The following FAM193A variants were observed in gnomAD, a reference collection of about 807,000 sequenced individuals.
FAM193A encodes the protein protein FAM193A.
In FAM193A, 22 loss-of-function variants were observed where a neutral mutation model predicts 126.5. The observed-to-expected ratio is 0.17, with a 90% CI of 0.12 to 0.25. The LOEUF is 0.25. Among genes scored for constraint, FAM193A ranks in the 10% least tolerant of loss-of-function variants. The pLI, the probability that FAM193A is intolerant of heterozygous loss-of-function variation, is 1.00. For missense variants in FAM193A, 1,675 were observed against 1,672.8 expected (o/e 1.00, Z -0.02); for synonymous variants, 761 against 646.8 (o/e 1.18, Z -2.68).
rs371156366 is a variant in FAM193A, at chr4:2,571,369, G to A, written c.256-24715G>A. On this transcript the variant is annotated intron_variant, in intron 1 of 20. Transcript: ENST00000637812. ...TGTGGCACCACCTTGCCAGCAGCTC[G>A]GAGACTGGTACTTGTTGGCACAGTG... 2.6e-5 allele frequency among the ~76,000 whole-genome samples: 4 copies of A among 152,110 alleles called. No individual in the cohort carries two copies. The East Asian group carries it at 7.7e-4, about 29-fold the overall frequency.
chr4:2,700,856 C>T (rs1457644292), intron 19 of FAM193A, among the ~76,000 whole-genome samples: 2 of 151,928 alleles, frequency 1.3e-5, no homozygotes, highest in African/African-American at 2.4e-5. Context: ...CCTAGCTACT[C>T]GGGGAGGCTG....
At chr4:2,710,848 T>G (rs972123008) in intron 19 of FAM193A, among the ~76,000 whole-genome samples, 4 of 115,044 alleles carry the variant, frequency 3.5e-5, no homozygotes, top group African/African-American at 1.3e-4. Context: ...CTTTCTGTGC[T>G]TTCTTTTTTT....
intron 19 of FAM193A, among the ~76,000 whole-genome samples, chr4:2,711,485 A>T (rs1718968906): frequency 6.6e-6 from 1 of 151,160 alleles, no homozygotes; most frequent in Non-Finnish European, 1.5e-5. Context: ...GATTACAGGC[A>T]TGCACCACCA....
At chr4:2,726,304 G>T (rs1012406448) in intron 20 of FAM193A, among the ~76,000 whole-genome samples, 2 of 152,082 alleles carry the variant, frequency 1.3e-5, no homozygotes, top group African/African-American at 4.8e-5. Context: ...CCTTCCAAAC[G>T]TTGGGATTAG....
chr4:2,568,105 C>T (rs1739075950), intron 1 of FAM193A, among the ~76,000 whole-genome samples: 1 of 152,192 alleles, frequency 6.6e-6, no homozygotes, highest in Non-Finnish European at 1.5e-5. Context: ...ACTTACCTTC[C>T]AACCACAGCA....
At chr4:2,664,215 A>G (rs2109124595) in intron 12 of FAM193A, among the ~76,000 whole-genome samples, 1 of 152,264 alleles carries the variant, frequency 6.6e-6, no homozygotes, top group South Asian at 2.1e-4. Context: ...CTTTTAGAAG[A>G]TTTATAATTT....
At chr4:2,669,004 G>A (rs955059087) in intron 12 of FAM193A, among the ~76,000 whole-genome samples, 1 of 151,866 alleles carries the variant, frequency 6.6e-6, no homozygotes, top group African/African-American at 2.4e-5. Flanking sequence ...CATGGCACCC[G>A]GCTAATTTTT....
intron 13 of FAM193A, among the ~76,000 whole-genome samples, chr4:2,673,803 A>G (rs955288705): frequency 1.4e-4 from 21 of 152,218 alleles, no homozygotes; most frequent in Non-Finnish European, 2.9e-4. Context: ...AAAATAAGTA[A>G]GATAGTAAAA....
chr4:2,637,221 G>A (rs1034599175), intron 5 of FAM193A, among the ~76,000 whole-genome samples: 11 of 152,278 alleles, frequency 7.2e-5, no homozygotes, highest in African/African-American at 1.7e-4. Context: ...CAGCCACTCC[G>A]GAGGCTGAGG....
chr4:2,660,897 A>G (rs368563791), intron 10 of FAM193A, among the ~76,000 whole-genome samples: 3 of 152,348 alleles, frequency 2.0e-5, no homozygotes, highest in African/African-American at 7.2e-5. Context: ...GACTCTCTTC[A>G]TACAAAGATT....
At chr4:2,614,575 T>G (rs113166285) in intron 2 of FAM193A, among the ~76,000 whole-genome samples, 3 of 152,352 alleles carry the variant, frequency 2.0e-5, no homozygotes, top group Admixed American at 6.5e-5. Context: ...AAATTTCTTG[T>G]CTCACATCTT....
At chr4:2,667,358 A>G (rs1344068543) in intron 12 of FAM193A, among the ~76,000 whole-genome samples, 1 of 152,200 alleles carries the variant, frequency 6.6e-6, no homozygotes. Context: ...TACTCAGATC[A>G]TAGTATATAT....
intron 1 of FAM193A, among the ~76,000 whole-genome samples, chr4:2,576,891 T>C (rs545788004): frequency 2.0e-5 from 3 of 152,220 alleles, no homozygotes; most frequent in Non-Finnish European, 4.4e-5. Context: ...GGAGATACTG[T>C]AGCAGATACA....
In FAM193A at chr4:2,590,481, A is replaced by C. The variant is rs1261606058; in HGVS notation, c.256-5603A>C. Among the ~76,000 whole-genome samples, 60 of 88,878 alleles carry C rather than the reference A, an allele frequency of 6.8e-4. 5 individuals are homozygous for C. The highest frequency in any genetic ancestry group is 4.7e-3 in the Middle Eastern group (1 of 214). The allele number at this position is 88,878 out of a possible 152,430, so 58.3% of individuals were successfully genotyped here. On this transcript the variant is annotated intron_variant, in intron 1 of 20. Coordinates refer to ENST00000637812, the MANE Select transcript of FAM193A (RefSeq NM_001366318.2). ...TCCATCTCAAAAAAAAAAAACAAAA[A>C]AAAACAAAAAAAAACAAAAAAAAAC... is the stretch of plus-strand genomic sequence containing the variant.
At chr4:2,603,990 G>A (rs1741377980) in intron 2 of FAM193A, among the ~76,000 whole-genome samples, 1 of 151,754 alleles carries the variant, frequency 6.6e-6, no homozygotes, top group African/African-American at 2.4e-5. Context: ...TTACAGGCGT[G>A]TGTCACCATG....
intron 2 of FAM193A, among the ~76,000 whole-genome samples, chr4:2,604,258 C>G (rs553195613): frequency 1.2e-4 from 19 of 152,250 alleles, no homozygotes; most frequent in Non-Finnish European, 2.4e-4. Context: ...TTTGCTAGTT[C>G]TAATACATAG....
At chr4:2,712,494 G>T (rs1719088617) in intron 19 of FAM193A, among the ~76,000 whole-genome samples, 3 of 152,138 alleles carry the variant, frequency 2.0e-5, no homozygotes, top group African/African-American at 2.4e-5. Flanking sequence ...TCTGCGTTGT[G>T]ACTGCTGCCC....
chr4:2,696,422 G>A lies in FAM193A; in HGVS notation c.3336G>A (p.Arg1112=), dbSNP rs376642932. Residue 1112 remains arginine, a synonymous_variant, in exon 18 of 21, where the codon CGG becomes CGA. Transcript: ENST00000637812. ...YAEMREKLRL[R]LTKRKEEQPK... ...AAATGAGGGAAAAGCTTCGCTTACG[G>A]CTGACCAAGAGGAAAGAGGAGCAAC... 6.2e-7 allele frequency: 1 copy of A among 1,614,086 alleles called. No homozygotes were observed. Among genetic ancestry groups the A allele is most frequent in the Non-Finnish European group, 8.5e-7 (1 of 1,180,048 alleles).
rs533496417 is a variant in FAM193A at position 2,685,111 on chromosome 4, G to A, written c.2332-4395G>A. On this transcript the variant is annotated intron_variant, in intron 13 of 20. Transcript: ENST00000637812. ...AGAAACGGCCTAGAAGTGAAGACAG[G>A]GATGTCTCTAAGTCTCCACTGAGAA... 2.0e-5 allele frequency among the ~76,000 whole-genome samples: 3 copies of A among 152,330 alleles called. No homozygotes were observed. In the South Asian group the frequency reaches 6.2e-4, roughly 32 times the overall value.
Sources: allele counts gnomAD v4.1 joint callset (sites outside exome capture counted in the v4.1 genomes callset), GRCh38; gene constraint gnomAD v4.1.1; transcripts MANE v1.5; gene names NCBI Gene and HGNC (gene_info 2026-07-23, HGNC 2026-07-21).